Variants in DPY19L1 observed in about 807,000 individuals in gnomAD.
DPY19L1 encodes protein C-mannosyl-transferase DPY19L1.
A neutral mutation model predicts 96.9 loss-of-function variants in DPY19L1; 35 were observed. That is an observed-to-expected ratio of 0.36 (90% CI 0.28 to 0.48). The LOEUF (loss-of-function observed/expected upper bound fraction) is 0.48, where lower values mean the gene tolerates loss of function less well. DPY19L1 is among the 20% of genes least tolerant of loss of function. The pLI, the probability that DPY19L1 is intolerant of heterozygous loss-of-function variation, is 0.99. For missense variants in DPY19L1, 521 were observed against 777.9 expected (o/e 0.67, Z 3.93); for synonymous variants, 205 against 252.6 (o/e 0.81, Z 1.79).
In DPY19L1 at chr7:34,994,365, G is replaced by A. The variant is rs545692283; in HGVS notation, c.765-4424C>T. Among the ~76,000 whole-genome samples, 200 of 152,058 alleles carry A rather than the reference G, an allele frequency of 1.3e-3. 1 individual carries two copies. Among genetic ancestry groups the A allele is most frequent in the Middle Eastern group, 0.01 (3 of 294 alleles). On this transcript the variant is annotated intron_variant, in intron 6 of 21. Transcript: ENST00000638088. ...AAACAACCTAAAACACGAAAGATGA[G>A]TTTTTAAAAAAAATGACACTTGGGG...
intron 7 of DPY19L1, among the ~76,000 whole-genome samples, chr7:34,982,246 T>G (rs747253092): frequency 2.0e-5 from 3 of 152,196 alleles, no homozygotes; most frequent in Non-Finnish European, 4.4e-5. Context: ...ACTGTGTAAT[T>G]ATTAGTGTTA....
At chr7:35,029,607 T>C (rs930185164) in intron 1 of DPY19L1, among the ~76,000 whole-genome samples, 12 of 152,248 alleles carry the variant, frequency 7.9e-5, no homozygotes, top group African/African-American at 2.9e-4. Context: ...AGTTTTTTAC[T>C]ATTTTACTGT....
At chr7:34,995,728 T>TA (rs1433666794) in intron 6 of DPY19L1, among the ~76,000 whole-genome samples, 2 of 152,280 alleles carry the variant, frequency 1.3e-5, no homozygotes, top group Admixed American at 1.3e-4. Context: ...AAATAACTCT[T>TA]ACGATTTTCT....
chr7:34,929,813 C>T lies in DPY19L1; in HGVS notation c.*1760G>A, dbSNP rs1000870218. ...CCTATTTTCTAAAACTAGCAAAAGC[C>T]TAAGAAATAAAAACAGTCAACCAGC... is the stretch of plus-strand genomic sequence containing the variant. On this transcript the variant is annotated 3_prime_UTR_variant, in exon 22 of 22. Transcript: ENST00000638088. 1 of 152,272 alleles carries T rather than the reference C, an allele frequency of 6.6e-6. No homozygotes were observed. The highest frequency in any genetic ancestry group is 2.1e-4 in the South Asian group (1 of 4,816). The allele number at this position is 152,272 out of a possible 1,614,324, so 9.4% of individuals were successfully genotyped here. A position where few individuals can be genotyped will look rare whatever the true frequency, so the allele number is the denominator to read the frequency against.
chr7:34,932,512 A>G (rs1584194264), intron 21 of DPY19L1, among the ~76,000 whole-genome samples: 6 of 152,374 alleles, frequency 3.9e-5, no homozygotes, highest in African/African-American at 1.4e-4. Flanking sequence ...CTGAATGCAT[A>G]TGGCTTTAAC....
intron 8 of DPY19L1, among the ~76,000 whole-genome samples, chr7:34,972,836 G>A (rs569589776): frequency 6.6e-6 from 1 of 152,100 alleles, no homozygotes; most frequent in Non-Finnish European, 1.5e-5. Context: ...TTCTATGAAG[G>A]GTCTGTCTAA....
chr7:34,937,904 A>T (rs1285269044), intron 21 of DPY19L1, 90 bp downstream of exon 21: 1 of 1,394,622 alleles, frequency 7.2e-7, no homozygotes, highest in East Asian at 2.3e-5. Flanking sequence ...TGTTATATAC[A>T]CACCCCCGCC....
Position 35,013,724 on chromosome 7 carries a change from C to T in DPY19L1, c.412-19G>A. 6.4e-7 allele frequency: 1 copy of T among 1,560,404 alleles called. No homozygotes were observed. The highest frequency in any genetic ancestry group is 8.7e-7 in the Non-Finnish European group (1 of 1,149,030). On this transcript the variant is annotated intron_variant, in intron 3 of 21. Transcript: ENST00000638088. ...ATAGTCCCTGAAATAAAGATATGCT[C>T]AATTAAAATAACAAAAGGTACATAA...
chr7:35,017,384 A>G (rs1017241815), intron 3 of DPY19L1, among the ~76,000 whole-genome samples: 1 of 151,394 alleles, frequency 6.6e-6, no homozygotes, highest in Non-Finnish European at 1.5e-5. Flanking sequence ...AGTCCCAGCT[A>G]CTGGGGAGGC....
intron 8 of DPY19L1, among the ~76,000 whole-genome samples, chr7:34,971,629 C>T (rs1784726261): frequency 6.6e-6 from 1 of 152,136 alleles, no homozygotes; most frequent in Non-Finnish European, 1.5e-5. Context: ...AAGGAAAGTT[C>T]TCTAAAACTT....
chr7:34,980,241 A>G (rs1218202309), intron 7 of DPY19L1, among the ~76,000 whole-genome samples: 2 of 152,152 alleles, frequency 1.3e-5, no homozygotes, highest in African/African-American at 2.4e-5. Flanking sequence ...AACCTATTTC[A>G]TACTGTATAC....
intron 11 of DPY19L1, among the ~76,000 whole-genome samples, chr7:34,956,795 G>A (rs974360784): frequency 2.0e-5 from 3 of 151,926 alleles, no homozygotes; most frequent in Admixed American, 6.5e-5. Context: ...GAGCCACTGC[G>A]CCTGGCCGAA....
intron 7 of DPY19L1, among the ~76,000 whole-genome samples, chr7:34,983,419 G>A (rs1356453250): frequency 6.6e-6 from 1 of 151,298 alleles, no homozygotes; most frequent in Non-Finnish European, 1.5e-5. Context: ...GTGAGATGAA[G>A]AGGCAGGAAA....
chr7:34,944,098 C>T (rs1784084568), intron 16 of DPY19L1, among the ~76,000 whole-genome samples: 1 of 152,204 alleles, frequency 6.6e-6, no homozygotes, highest in East Asian at 1.9e-4. Context: ...GGCGCAGTGG[C>T]TCATGCCTAT....
rs1393314839 is a variant in DPY19L1, at chr7:34,930,402, A to G, written c.*1171T>C. 1 of 152,226 alleles carries G rather than the reference A, an allele frequency of 6.6e-6. No individual in the cohort carries two copies. The highest frequency in any genetic ancestry group is 1.5e-5 in the Non-Finnish European group (1 of 68,042). The allele number at this position is 152,226 out of a possible 1,614,324, so 9.4% of individuals were successfully genotyped here. On this transcript the variant is annotated 3_prime_UTR_variant, in exon 22 of 22. Transcript: ENST00000638088. ...AAAAAACTAAAGAGGAGGACGAAAT[A>G]TACTTATTCCTTATACTGAAATGAT...
intron 6 of DPY19L1, among the ~76,000 whole-genome samples, chr7:35,003,706 T>C (rs917943762): frequency 6.6e-6 from 1 of 152,232 alleles, no homozygotes; most frequent in Non-Finnish European, 1.5e-5. Flanking sequence ...TCCTGAGGAA[T>C]CAGGCTCCTG....
intron 6 of DPY19L1, among the ~76,000 whole-genome samples, chr7:34,999,461 A>G (rs1785371708): frequency 1.3e-5 from 2 of 152,256 alleles, no homozygotes; most frequent in African/African-American, 4.8e-5. Flanking sequence ...TGAGGATATG[A>G]TCCTCAAAAG....
chr7:34,969,776 T>C (rs1305136497), intron 8 of DPY19L1, among the ~76,000 whole-genome samples: 2 of 152,352 alleles, frequency 1.3e-5, no homozygotes, highest in East Asian at 3.9e-4. Flanking sequence ...AGTATATCCA[T>C]GAACATTTTT....
chr7:34,935,186 G>A (rs1345318679), intron 21 of DPY19L1, among the ~76,000 whole-genome samples: 1 of 152,182 alleles, frequency 6.6e-6, no homozygotes, highest in Non-Finnish European at 1.5e-5. Context: ...GAGACACACA[G>A]AAAGTAGAGA....
Sources: allele counts gnomAD v4.1 joint callset (sites outside exome capture counted in the v4.1 genomes callset), GRCh38; gene constraint gnomAD v4.1.1; transcripts MANE v1.5; gene names NCBI Gene and HGNC (gene_info 2026-07-23, HGNC 2026-07-21).